FAM53A: variants seen among roughly 807,000 people sequenced by gnomAD.
The protein encoded by FAM53A is family with sequence similarity 53 member A, also known as protein FAM53A.
FAM53A carries 28 observed loss-of-function variants against 26.6 expected under a neutral mutation model. The observed-to-expected ratio is 1.05, with a 90% confidence interval of 0.78 to 1.45. The LOEUF (loss-of-function observed/expected upper bound fraction) is 1.45, where lower values mean the gene tolerates loss of function less well. FAM53A is among the 40% of genes most tolerant of loss of function. The probability of loss-of-function intolerance (pLI) is 0.00; values close to 1 mark genes in which losing one functional copy is unlikely to be tolerated. For synonymous variants in FAM53A, 290 were observed against 253.1 expected (o/e 1.15, Z -1.38); for missense variants, 650 against 575.8 (o/e 1.13, Z -1.32).
the FAM53A span, chr4:1,574,459 C>G: frequency 6.6e-6 from 1 of 152,526 alleles, no homozygotes; most frequent in Non-Finnish European, 1.5e-5. Flanking sequence ...CCCCGGTGCC[C>G]TGTGTGTGGG....
chr4:1,599,874 T>C, the FAM53A span, among the ~76,000 whole-genome samples: 1 of 152,012 alleles, frequency 6.6e-6, no homozygotes, highest in Admixed American at 6.5e-5. This position sits in a 1 kb window ranked among gnomAD's most constrained non-coding sequence, Gnocchi z 6.1. Context: ...GGGCAGAGGG[T>C]GTGGGCTGCA....
chr4:1,626,793 G>C (rs928669520), intron 1 of FAM53A, among the ~76,000 whole-genome samples: 8 of 152,194 alleles, frequency 5.3e-5, no homozygotes, highest in Non-Finnish European at 1.0e-4. Flanking sequence ...ACTCAGCCTG[G>C]CAGTGCCAAC....
rs76104150 is a variant in FAM53A at position 1,634,438 on chromosome 4, T to C, written c.432-16327A>G. 3.2e-3 allele frequency among the ~76,000 whole-genome samples: 483 copies of C among 152,318 alleles called. 2 individuals are homozygous for C. The highest frequency in any genetic ancestry group is 0.011 in the African/African-American group (451 of 41,554). ...CAGGGCCACCACCTCGGCCACCATG[T>C]TCAGCCATCAACCAGCAGCTCCCTC... On this transcript the variant is annotated intron_variant, in intron 1 of 1. Transcript: ENST00000489029.
intron 4 of FAM53A, among the ~76,000 whole-genome samples, chr4:1,647,368 T>C (rs978095967): frequency 2.0e-5 from 3 of 149,738 alleles, no homozygotes; most frequent in African/African-American, 7.4e-5. Flanking sequence ...AAATCCTAAA[T>C]GTTTTCCTAG....
the FAM53A span, among the ~76,000 whole-genome samples, chr4:1,596,096 G>A: frequency 6.6e-6 from 1 of 152,210 alleles, no homozygotes; most frequent in African/African-American, 2.4e-5. Context: ...GGCAAAAAGT[G>A]CACACAGAGA....
chr4:1,673,283 T>A (rs976591959), intron 1 of FAM53A, among the ~76,000 whole-genome samples: 12 of 152,264 alleles, frequency 7.9e-5, no homozygotes, highest in Non-Finnish European at 4.4e-5. Flanking sequence ...CTCAGCACCG[T>A]CAGATGCCAG....
At chr4:1,655,868 G>GT in intron 3 of FAM53A, 145 bp from the exon 4 acceptor site, 1 of 969,318 alleles carries the variant, frequency 1.0e-6, no homozygotes, top group South Asian at 1.8e-5. Flanking sequence ...CAAGATGTCC[G>GT]TGGCGCACAG....
chr4:1,575,672 G>C, the FAM53A span, among the ~76,000 whole-genome samples: 1 of 152,132 alleles, frequency 6.6e-6, no homozygotes, highest in Non-Finnish European at 1.5e-5. Flanking sequence ...GAAGGTGCTG[G>C]ACACTGCCCC....
the FAM53A span, among the ~76,000 whole-genome samples, chr4:1,593,243 C>T: frequency 1.3e-5 from 2 of 152,252 alleles, no homozygotes; most frequent in South Asian, 2.1e-4. Flanking sequence ...GCAACCCAGA[C>T]GTTTGGAGTC....
At chr4:1,643,697 G>T (rs920047500) in intron 4 of FAM53A, among the ~76,000 whole-genome samples, 4 of 151,522 alleles carry the variant, frequency 2.6e-5, no homozygotes, top group Admixed American at 6.6e-5. Context: ...CTCTCAAGTG[G>T]CTGAGACAAC....
the FAM53A span, among the ~76,000 whole-genome samples, chr4:1,602,107 C>T: frequency 2.0e-5 from 3 of 152,110 alleles, no homozygotes; most frequent in Non-Finnish European, 4.4e-5. Flanking sequence ...ATGGTGGTGC[C>T]GGCGGCTACA....
Position 1,655,009 on chromosome 4 carries a change from C to T in FAM53A, c.851G>A (p.Arg284His), listed in dbSNP as rs1252047894. 9.0e-6 allele frequency: 14 copies of T among 1,549,220 alleles called. No homozygotes were observed. Among genetic ancestry groups the T allele is most frequent in the African/African-American group, 1.4e-5 (1 of 71,776 alleles). ...RRREEDARWT[R>H]PSLDFLKMTQ... ...CATTTTCAGGAAGTCCAAGGATGGG[C>T]GTGTCCACCTGGCGTCCTCCTCACG... is the stretch of plus-strand genomic sequence containing the variant. Residue 284 changes from arginine to histidine, a missense_variant, in exon 4 of 5, where the codon CGC (arginine) becomes CAC (histidine). Arg to His is a conservative substitution (Grantham distance 29). Coordinates refer to ENST00000308132, the MANE Select transcript of FAM53A (RefSeq NM_001174070.3).
intron 1 of FAM53A, among the ~76,000 whole-genome samples, chr4:1,626,723 G>C (rs1349641111): frequency 2.0e-5 from 3 of 151,932 alleles, no homozygotes; most frequent in Non-Finnish European, 4.4e-5. Flanking sequence ...GTGATGTTTT[G>C]AGTCTGGGGG....
intron 2 of FAM53A, among the ~76,000 whole-genome samples, chr4:1,661,122 C>G (rs1367588086): frequency 6.6e-6 from 1 of 152,044 alleles, no homozygotes; most frequent in African/African-American, 2.4e-5. Context: ...CGCCCCTCAG[C>G]CCGGGAACTG....
At chr4:1,642,332 C>T (rs1375945375) in intron 4 of FAM53A, among the ~76,000 whole-genome samples, 2 of 152,188 alleles carry the variant, frequency 1.3e-5, no homozygotes, top group African/African-American at 4.8e-5. Flanking sequence ...CTTCCAGTAC[C>T]CCCATGCCAC....
At chr4:1,582,507 G>T in the FAM53A span, among the ~76,000 whole-genome samples, 4 of 152,252 alleles carry the variant, frequency 2.6e-5, no homozygotes, top group African/African-American at 7.2e-5. Flanking sequence ...GGAAGACCAG[G>T]AGGAGGCTGG....
the FAM53A span, among the ~76,000 whole-genome samples, chr4:1,608,667 G>T: frequency 6.6e-6 from 1 of 152,054 alleles, no homozygotes; most frequent in African/African-American, 2.4e-5. Flanking sequence ...GCTTAGTAAC[G>T]GCTCCGGCAC....
At chr4:1,667,573 G>A (rs1390333274) in intron 2 of FAM53A, among the ~76,000 whole-genome samples, 4 of 152,072 alleles carry the variant, frequency 2.6e-5, no homozygotes, top group Non-Finnish European at 4.4e-5. Flanking sequence ...ACCCACACTC[G>A]CCAGCTCTCG....
chr4:1,578,656 C>A, the FAM53A span, among the ~76,000 whole-genome samples: 2 of 149,934 alleles, frequency 1.3e-5, no homozygotes, highest in Non-Finnish European at 3.0e-5. Flanking sequence ...AGGTCGCGAC[C>A]CCCCTACCCC....
Sources: allele counts gnomAD v4.1 joint callset (sites outside exome capture counted in the v4.1 genomes callset), GRCh38; gene constraint gnomAD v4.1.1; non-coding constraint Gnocchi (gnomAD v3.1); transcripts MANE v1.5; gene names NCBI Gene and HGNC (gene_info 2026-07-23, HGNC 2026-07-21).